TAB2: variants seen among roughly 807,000 people sequenced by gnomAD.
TAB2 encodes the protein TGF-beta activated kinase 1 (MAP3K7) binding protein 2.
TAB2 carries 3 observed loss-of-function variants against 65.0 expected under a neutral mutation model. The observed-to-expected ratio is 0.05, with a 90% CI of 0.02 to 0.12. The LOEUF is 0.12. Ranked by LOEUF, TAB2 falls within the 10% of genes least tolerant of loss-of-function variation. TAB2 has a pLI of 1.00. For synonymous variants in TAB2, 298 were observed against 285.1 expected (o/e 1.05, Z -0.46); for missense variants, 623 against 840.3 (o/e 0.74, Z 3.20).
intron 3 of TAB2, among the ~76,000 whole-genome samples, chr6:149,395,172 A>G (rs1046734251): frequency 6.6e-6 from 1 of 152,284 alleles, no homozygotes; most frequent in Admixed American, 6.5e-5. Flanking sequence ...TGCCTACAAC[A>G]ACATCTGACA....
At chr6:149,389,913 G>A (rs1781928136) in intron 3 of TAB2, among the ~76,000 whole-genome samples, 3 of 152,166 alleles carry the variant, frequency 2.0e-5, no homozygotes, top group Non-Finnish European at 2.9e-5. Flanking sequence ...TCATCTCTTA[G>A]TAGGTTCTTA....
At chr6:149,257,429 C>T (rs1219333936) in intron 1 of TAB2, 2 of 152,064 alleles carry the variant, frequency 1.3e-5, no homozygotes, top group Non-Finnish European at 1.5e-5. Context: ...TGGGGAAAAA[C>T]CTTCTAGAAA....
At chr6:149,281,716 C>T (rs7776165) in intron 1 of TAB2, among the ~76,000 whole-genome samples, 8,142 of 151,558 alleles carry the variant, frequency 0.054, 293 homozygotes, top group Middle Eastern at 0.12. Context: ...GTAAATGGGA[C>T]CTAAACAACC....
At chr6:149,238,652 C>T (rs919325825) in intron 1 of TAB2, among the ~76,000 whole-genome samples, 1 of 152,192 alleles carries the variant, frequency 6.6e-6, no homozygotes, top group Non-Finnish European at 1.5e-5. Context: ...AGTTGCCACA[C>T]CAACCATGTC....
At chr6:149,400,823 A>G in intron 6 of TAB2, 1 of 934,324 alleles carries the variant, frequency 1.1e-6, no homozygotes, top group Non-Finnish European at 1.6e-6. Flanking sequence ...TCCCCCTTCC[A>G]CATTCTTTTA....
chr6:149,232,059 G>A (rs191374904), intron 1 of TAB2, among the ~76,000 whole-genome samples: 1 of 152,260 alleles, frequency 6.6e-6, no homozygotes, highest in East Asian at 1.9e-4. Context: ...ATTTGAGGGT[G>A]GAGGGGGAAA....
At chr6:149,351,974 C>G (rs181320004) in intron 1 of TAB2, among the ~76,000 whole-genome samples, 1 of 152,238 alleles carries the variant, frequency 6.6e-6, no homozygotes, top group East Asian at 1.9e-4. Context: ...TAGTTCTACT[C>G]TTTTCTTCTC....
chr6:149,287,084 T>C (rs762841701), intron 1 of TAB2, among the ~76,000 whole-genome samples: 5 of 152,160 alleles, frequency 3.3e-5, no homozygotes, highest in Non-Finnish European at 7.3e-5. Flanking sequence ...GCCACTGCAC[T>C]CCAGCCTGAG....
intron 1 of TAB2, among the ~76,000 whole-genome samples, chr6:149,285,667 G>A (rs778847046): frequency 5.9e-5 from 9 of 152,304 alleles, no homozygotes; most frequent in South Asian, 4.1e-4. Context: ...AGGAAGGCGC[G>A]TAAGAGAGAA....
chr6:149,253,957 A>AAAG (rs1777920067), intron 1 of TAB2, among the ~76,000 whole-genome samples: 1 of 97,126 alleles, frequency 1.0e-5, no homozygotes, highest in Non-Finnish European at 2.1e-5. Context: ...AGAAAGAAAG[A>AAAG]AAAAGAAAGA....
At chr6:149,283,398 A>T (rs551069980) in intron 1 of TAB2, among the ~76,000 whole-genome samples, 1 of 152,216 alleles carries the variant, frequency 6.6e-6, no homozygotes, top group Non-Finnish European at 1.5e-5. Context: ...AGAGAATGTC[A>T]TTTGATGGTA....
At chr6:149,329,369 AAGATC>A (rs1779715688) in intron 1 of TAB2, among the ~76,000 whole-genome samples, 1 of 152,186 alleles carries the variant, frequency 6.6e-6, no homozygotes, top group African/African-American at 2.4e-5. Context: ...TAAAGCAGTG[AAGATC>A]ACACATGCCC....
upstream of TAB2, among the ~76,000 whole-genome samples, chr6:149,315,015 A>C (rs1779226624): frequency 2.0e-5 from 3 of 152,156 alleles, no homozygotes; most frequent in Admixed American, 2.0e-4. Flanking sequence ...CAAATACACA[A>C]AGACTCCTAA....
chr6:149,349,378 C>G (rs553476), intron 1 of TAB2, among the ~76,000 whole-genome samples: 2,253 of 150,618 alleles, frequency 0.015, 25 homozygotes, highest in Non-Finnish European at 0.024. Context: ...CGAGATCACT[C>G]CACTGCACTC....
At chr6:149,267,861 C>A (rs1327553695) in intron 1 of TAB2, among the ~76,000 whole-genome samples, 1 of 151,938 alleles carries the variant, frequency 6.6e-6, no homozygotes, top group African/African-American at 2.4e-5. Flanking sequence ...ACATAGAAAA[C>A]GTACAGTGAA....
At chr6:149,394,671 A>T (rs1782109875) in intron 3 of TAB2, among the ~76,000 whole-genome samples, 1 of 152,204 alleles carries the variant, frequency 6.6e-6, no homozygotes, top group African/African-American at 2.4e-5. Context: ...AGTGCACCAC[A>T]GTCTTCAGAT....
At position 149,379,245 on chromosome 6, in the gene TAB2, G is replaced by A; in HGVS notation, c.1330G>A (p.Gly444Ser). 6.2e-7 allele frequency: 1 copy of A among 1,614,132 alleles called. No homozygotes were observed. Among genetic ancestry groups the A allele is most frequent in the South Asian group, 1.1e-5 (1 of 91,082 alleles). Reference protein sequence around the residue: ...HHHPPKSRAIGNNSATSPRVV... With the variant: ...HHHPPKSRAISNNSATSPRVV... ...CCATCCTCCCAAAAGTCGAGCAATA[G>A]GCAATAACTCTGCAACCTCTCCTCG... Residue 444 changes from glycine (G) to serine (S), a missense_variant, in exon 3 of 7, where the codon GGC becomes AGC. Coordinates refer to ENST00000637181, the MANE Select transcript of TAB2 (RefSeq NM_001292034.3).
chr6:149,295,835 T>A (rs1778866075), intron 1 of TAB2, among the ~76,000 whole-genome samples: 1 of 152,144 alleles, frequency 6.6e-6, no homozygotes, highest in African/African-American at 2.4e-5. Flanking sequence ...TGCAGTGGCA[T>A]GATCTCGGCT....
At position 149,357,421 on chromosome 6, in the gene TAB2, G is replaced by GAA. The variant is rs1244546884; in HGVS notation, c.-89-12479_-89-12478dup. On this transcript the variant is annotated intron_variant, in intron 1 of 6. Coordinates refer to ENST00000637181, the MANE Select transcript of TAB2 (RefSeq NM_001292034.3). ...ATAGAGGGAGACTCCGTCTCAAGGA[G>GAA]AAAAAAAAAACACACACACACACAC... 7.1e-4 allele frequency among the ~76,000 whole-genome samples: 77 copies of GAA among 108,442 alleles called. 1 individual carries two copies. The highest frequency in any genetic ancestry group is 1.0e-3 in the Non-Finnish European group (55 of 54,664). 71.1% of individuals were successfully genotyped at this position (108,442 alleles called of 152,430 possible).
Sources: gnomAD v4.1 joint callset for allele counts (sites outside exome capture counted in the v4.1 genomes callset) on GRCh38, gnomAD v4.1.1 for gene constraint, MANE v1.5 for transcripts, NCBI Gene and HGNC (gene_info 2026-07-23, HGNC 2026-07-21) for gene names.